Variants in TNFRSF17 observed in about 807,000 individuals in gnomAD.
TNFRSF17 encodes the protein TNF receptor superfamily member 17.
A neutral mutation model predicts 9.9 loss-of-function variants in TNFRSF17; 13 were observed. The observed-to-expected ratio is 1.31, with a 90% confidence interval of 0.85 to 2.08. The LOEUF (loss-of-function observed/expected upper bound fraction) is 2.08. TNFRSF17 is among the 30% of genes most tolerant of loss of function. The pLI, the probability that TNFRSF17 is intolerant of heterozygous loss-of-function variation, is 0.00. For missense variants in TNFRSF17, 305 were observed against 225.8 expected (o/e 1.35, Z -2.25); for synonymous variants, 99 against 83.7 (o/e 1.18, Z -1.00).
intron 2 of TNFRSF17, 124 bp downstream of exon 2, chr16:11,966,465 C>T (rs2055195139): frequency 1.0e-6 from 1 of 973,058 alleles, no homozygotes; most frequent in East Asian, 2.6e-5. Flanking sequence ...TGTGTTAGAA[C>T]ATTGTTACAT....
At chr16:11,965,598 T>G in intron 1 of TNFRSF17, 144 bp downstream of exon 1, 1 of 848,836 alleles carries the variant, frequency 1.2e-6, no homozygotes, top group Non-Finnish European at 1.8e-6. Flanking sequence ...GTGATTTTAA[T>G]GTTTATGGAA....
intron 2 of TNFRSF17, among the ~76,000 whole-genome samples, chr16:11,966,723 G>A (rs2055197096): frequency 6.6e-6 from 1 of 152,152 alleles, no homozygotes; most frequent in South Asian, 2.1e-4. Context: ...CTATGGTCAT[G>A]TTTTTATACA....
At chr16:11,967,497 G>C (rs2055204325) in intron 2 of TNFRSF17, 73 bp from the exon 3 acceptor site, 1 of 1,451,340 alleles carries the variant, frequency 6.9e-7, no homozygotes, top group African/African-American at 1.4e-5. Flanking sequence ...GAGTCCCGAT[G>C]TGTACTGCTA....
chr16:11,966,626 C>A (rs1435613169), intron 2 of TNFRSF17, among the ~76,000 whole-genome samples: 3 of 152,154 alleles, frequency 2.0e-5, no homozygotes. Context: ...GTCTCTTTGA[C>A]TAAAGTTAGC....
In TNFRSF17 at chr16:11,967,911, G is replaced by A; in HGVS notation, c.*64G>A. 6.4e-7 allele frequency: 1 copy of A among 1,554,954 alleles called. No homozygotes were observed. The highest frequency in any genetic ancestry group is 8.7e-7 in the Non-Finnish European group (1 of 1,146,752). ...TTTTGTCAGAATAGATGATGTGTCA[G>A]ATCTCTTTAGGATGACTGTATTTTT... On this transcript the variant is annotated 3_prime_UTR_variant, in exon 3 of 3. Coordinates refer to ENST00000053243, the MANE Select transcript of TNFRSF17 (RefSeq NM_001192.3).
chr16:11,966,446 C>G (rs373870798), intron 2 of TNFRSF17, 105 bp downstream of exon 2: 2 of 1,180,244 alleles, frequency 1.7e-6, no homozygotes, highest in Non-Finnish European at 2.4e-6. Flanking sequence ...TCGTTACAGC[C>G]CTTTCGAATG....
In TNFRSF17 at chr16:11,965,422, C is replaced by T; in HGVS notation, c.98C>T (p.Pro33Leu). 6.2e-7 allele frequency: 1 copy of T among 1,614,126 alleles called. No individual in the cohort carries two copies. Among genetic ancestry groups the T allele is most frequent in the Non-Finnish European group, 8.5e-7 (1 of 1,180,002 alleles). Residue 33 changes from proline to leucine, a missense_variant, in exon 1 of 3, where the codon CCT becomes CTT. Coordinates refer to ENST00000053243, the MANE Select transcript of TNFRSF17 (RefSeq NM_001192.3). ...PCQLRCSSNT[P>L]PLTCQRYCNA... ...CAACTTCGATGTTCTTCTAATACTC[C>T]TCCTCTAACATGTCAGCGTTATTGT...
intron 1 of TNFRSF17, 111 bp downstream of exon 1, chr16:11,965,565 A>G: frequency 8.7e-7 from 1 of 1,155,498 alleles, no homozygotes. Flanking sequence ...TTCTTGAATC[A>G]AAAAGAGAAA....
chr16:11,967,843 G>A lies in TNFRSF17; in HGVS notation c.551G>A (p.Arg184Lys), dbSNP rs746411502. Residue 184 changes from arginine (R) to lysine (K), a missense_variant, in exon 3 of 3, where the codon AGG becomes AAG. By Grantham distance (26) the Arg-to-Lys change is conservative. Coordinates refer to ENST00000053243, the MANE Select transcript of TNFRSF17 (RefSeq NM_001192.3). Reference sequence around the variant, plus strand: ...GAGATAGAGAAATCAATTTCTGCTAGGTAATTAACCATTTCGACTCGAGCA... The same window carrying A: ...GAGATAGAGAAATCAATTTCTGCTAAGTAATTAACCATTTCGACTCGAGCA... ...ATEIEKSISA[R>K] is the part of the protein sequence containing the mutation. The A allele has an allele frequency of 1.2e-6, 2 of 1,613,406 alleles. No homozygotes were observed. The highest frequency in any genetic ancestry group is 1.7e-6 in the Non-Finnish European group (2 of 1,179,548).
intron 1 of TNFRSF17, among the ~76,000 whole-genome samples, 155 bp from the exon 2 acceptor site, chr16:11,966,040 G>A (rs1053281929): frequency 6.6e-6 from 1 of 152,190 alleles, no homozygotes; most frequent in Non-Finnish European, 1.5e-5. Context: ...GAACTTGGGA[G>A]GTGGAGGTTG....
At chr16:11,967,018 AG>A (rs2055199711) in intron 2 of TNFRSF17, 1 of 190,370 alleles carries the variant, frequency 5.3e-6, no homozygotes, top group South Asian at 9.0e-5. Context: ...TTATTTATTT[AG>A]AGATGGAGTC....
At chr16:11,967,431 G>A in intron 2 of TNFRSF17, 139 bp from the exon 3 acceptor site, 1 of 839,922 alleles carries the variant, frequency 1.2e-6, no homozygotes, top group Non-Finnish European at 1.8e-6. Flanking sequence ...TGCAGCCTGG[G>A]CAACACAGTA....
chr16:11,966,084 C>T (rs536562682), intron 1 of TNFRSF17, 111 bp from the exon 2 acceptor site: 1 of 1,178,814 alleles, frequency 8.5e-7, no homozygotes, highest in Non-Finnish European at 1.1e-6. Flanking sequence ...GCACTCTAGC[C>T]TGGGCAACAG....
chr16:11,966,096 G>A (rs1397041775), intron 1 of TNFRSF17, 99 bp from the exon 2 acceptor site: 1 of 1,312,100 alleles, frequency 7.6e-7, no homozygotes, highest in African/African-American at 1.5e-5. Context: ...GGGCAACAGA[G>A]CAAGACTTTG....
At chr16:11,966,476 T>A in intron 2 of TNFRSF17, 135 bp downstream of exon 2, 1 of 905,042 alleles carries the variant, frequency 1.1e-6, no homozygotes, top group Non-Finnish European at 1.6e-6. Flanking sequence ...ATTGTTACAT[T>A]AAATGAACTT....
Position 11,967,983 on chromosome 16 carries a change from T to C in TNFRSF17, c.*136T>C, listed in dbSNP as rs1033747503. ...GTCCTCTAACTGTGGAAACTCTTTATGTTAGATATATTTCTCTAGGTTACT... is the reference window on the plus strand; with the variant it reads ...GTCCTCTAACTGTGGAAACTCTTTACGTTAGATATATTTCTCTAGGTTACT... On this transcript the variant is annotated 3_prime_UTR_variant, in exon 3 of 3. Transcript: ENST00000053243. 4 of 962,264 alleles carry C rather than the reference T, an allele frequency of 4.2e-6. No individual in the cohort carries two copies. Among genetic ancestry groups the C allele is most frequent in the Non-Finnish European group, 6.0e-6 (4 of 666,046 alleles). The allele number at this position is 962,264 out of a possible 1,614,324, so 59.6% of individuals were successfully genotyped here. A position where few individuals can be genotyped will look rare whatever the true frequency, so the allele number is the denominator to read the frequency against.
intron 2 of TNFRSF17, 96 bp downstream of exon 2, chr16:11,966,437 C>G (rs1042741497): frequency 2.4e-6 from 3 of 1,247,798 alleles, no homozygotes; most frequent in South Asian, 2.9e-5. Context: ...TATTTCACTT[C>G]GTTACAGCCC....
intron 2 of TNFRSF17, among the ~76,000 whole-genome samples, 200 bp from the exon 3 acceptor site, chr16:11,967,370 G>A (rs1209019386): frequency 4.6e-5 from 7 of 152,088 alleles, no homozygotes; most frequent in Non-Finnish European, 8.8e-5. Flanking sequence ...CTGTAGTCCC[G>A]ACTGCTCTGT....
rs1274772306 is a variant in TNFRSF17, at chr16:11,965,427, C to T, written c.103C>T (p.Leu35=). 6.2e-7 allele frequency: 1 copy of T among 1,614,040 alleles called. No individual in the cohort carries two copies. ...QLRCSSNTPP[L]TCQRYCNASV... ...TCGATGTTCTTCTAATACTCCTCCTCTAACATGTCAGCGTTATTGTAATGC... is the reference window on the plus strand; with the variant it reads ...TCGATGTTCTTCTAATACTCCTCCTTTAACATGTCAGCGTTATTGTAATGC... The change falls in exon 1 of 3, where the codon CTA becomes TTA. Residue 35 remains leucine, a synonymous_variant. Transcript: ENST00000053243.
Sources: allele counts gnomAD v4.1 joint callset (sites outside exome capture counted in the v4.1 genomes callset), GRCh38; gene constraint gnomAD v4.1.1; transcripts MANE v1.5; gene names NCBI Gene and HGNC (gene_info 2026-07-23, HGNC 2026-07-21).